XKR4: variants seen among roughly 807,000 people sequenced by gnomAD.
XKR4 encodes the protein XK-related protein 4.
XKR4 carries 12 observed loss-of-function variants against 53.9 expected under a neutral mutation model. The ratio of observed to expected loss-of-function variants is 0.22; its 90% CI spans 0.14 to 0.36. The LOEUF is 0.36. XKR4 is among the 10% of genes least tolerant of loss of function. The pLI is 1.00. For synonymous variants in XKR4, 354 were observed against 362.4 expected (o/e 0.98, Z 0.26); for missense variants, 799 against 859.5 (o/e 0.93, Z 0.88).
intron 1 of XKR4, among the ~76,000 whole-genome samples, chr8:55,192,444 AT>A (rs1047643042): frequency 6.2e-4 from 94 of 151,982 alleles, no homozygotes; most frequent in Admixed American, 3.4e-3. Context: ...TGTTTATGCA[AT>A]TTTTTTATAC....
chr8:55,162,694 A>T (rs76507488), intron 1 of XKR4, among the ~76,000 whole-genome samples: 4,618 of 152,290 alleles, frequency 0.03, 181 homozygotes, highest in East Asian at 0.12. Flanking sequence ...CACAGAAAGC[A>T]TAGTCAGTGT....
chr8:55,325,248 A>G (rs1190872769), intron 1 of XKR4, among the ~76,000 whole-genome samples: 1 of 152,192 alleles, frequency 6.6e-6, no homozygotes, highest in Non-Finnish European at 1.5e-5. Context: ...GAAAACAAAA[A>G]TGGAGAAGAA....
intron 1 of XKR4, among the ~76,000 whole-genome samples, chr8:55,226,565 A>G (rs939183696): frequency 3.9e-5 from 6 of 151,944 alleles, no homozygotes; most frequent in Non-Finnish European, 8.8e-5. Context: ...TTCCCAACCC[A>G]TTTTTTAGAA....
At chr8:55,243,679 C>T (rs1438394355) in intron 1 of XKR4, among the ~76,000 whole-genome samples, 1 of 152,178 alleles carries the variant, frequency 6.6e-6, no homozygotes, top group Non-Finnish European at 1.5e-5. Context: ...ATTTTGCATT[C>T]CCACCAGCAA....
chr8:55,337,831 A>G (rs144252973), intron 1 of XKR4, among the ~76,000 whole-genome samples: 2 of 152,228 alleles, frequency 1.3e-5, no homozygotes, highest in Non-Finnish European at 2.9e-5. Flanking sequence ...TTTTGAGAAC[A>G]GGATAAGTAG....
intron 1 of XKR4, among the ~76,000 whole-genome samples, chr8:55,187,356 C>CAAT (rs1014374781): frequency 1.4e-5 from 2 of 142,286 alleles, no homozygotes; most frequent in African/African-American, 5.3e-5. Flanking sequence ...GATAGTGACA[C>CAAT]AATTAAGGAA....
At chr8:55,452,285 GA>G in intron 2 of XKR4, 1 of 650,486 alleles carries the variant, frequency 1.5e-6, no homozygotes, top group South Asian at 1.6e-5. Flanking sequence ...TCTGGATGCT[GA>G]TGCATTTCTC....
At chr8:55,494,670 C>T (rs1420160228) in intron 2 of XKR4, among the ~76,000 whole-genome samples, 1 of 152,126 alleles carries the variant, frequency 6.6e-6, no homozygotes, top group African/African-American at 2.4e-5. Context: ...ATCCTATCAT[C>T]GTTTCAGTTC....
chr8:55,254,324 C>G lies in XKR4; in HGVS notation c.807-103354C>G, dbSNP rs1158538085. On this transcript the variant is annotated intron_variant, in intron 1 of 2. Coordinates refer to ENST00000327381, the MANE Select transcript of XKR4 (RefSeq NM_052898.2). The stretch of plus-strand genomic sequence containing the variant: ...TGAACACATTTTAAACACACTGTAA[C>G]TGTTTGTTCCAAGCAAATAATCACT... Among the ~76,000 whole-genome samples, 4 of 152,030 alleles carry G rather than the reference C, an allele frequency of 2.6e-5. No homozygotes were observed. In the East Asian group the frequency reaches 7.7e-4, roughly 29 times the overall value.
chr8:55,294,174 C>T (rs1819067412), intron 1 of XKR4, among the ~76,000 whole-genome samples: 1 of 152,136 alleles, frequency 6.6e-6, no homozygotes, highest in Admixed American at 6.6e-5. Context: ...ACGATTTGTT[C>T]ATTTCTGTTA....
intron 1 of XKR4, among the ~76,000 whole-genome samples, chr8:55,279,808 A>G (rs6988288): frequency 0.94 from 142,714 of 152,238 alleles, 66,974 homozygotes; most frequent in Non-Finnish European, 0.95. Flanking sequence ...CCAGAAAGAC[A>G]TATCTCTTAG....
At position 55,531,875 on chromosome 8, in the gene XKR4, C is replaced by T. The variant is rs943330582; in HGVS notation, c.*7648C>T. ...GAGCTGTTTCTCTAAAGCCTTTCCT[C>T]CAATGCCCAGAAGAGCAGCACTGTG... On this transcript the variant is annotated 3_prime_UTR_variant, in exon 3 of 3. Coordinates refer to ENST00000327381, the MANE Select transcript of XKR4 (RefSeq NM_052898.2). 1.3e-5 allele frequency: 2 copies of T among 152,364 alleles called. No homozygotes were observed. The highest frequency in any genetic ancestry group is 2.9e-5 in the Non-Finnish European group (2 of 68,052). The allele number at this position is 152,364 out of a possible 1,614,324, so 9.4% of individuals were successfully genotyped here.
chr8:55,281,296 G>A (rs1818841714), intron 1 of XKR4, among the ~76,000 whole-genome samples: 1 of 152,118 alleles, frequency 6.6e-6, no homozygotes, highest in African/African-American at 2.4e-5. Flanking sequence ...CAACTGAGTT[G>A]GGTTGCCACA....
intron 2 of XKR4, among the ~76,000 whole-genome samples, chr8:55,392,024 G>C (rs1291419158): frequency 6.6e-6 from 1 of 152,184 alleles, no homozygotes; most frequent in Non-Finnish European, 1.5e-5. Flanking sequence ...AAGGCTATCA[G>C]TGTAAAATGA....
chr8:55,402,191 T>C (rs1275536649), intron 2 of XKR4, among the ~76,000 whole-genome samples: 2 of 152,222 alleles, frequency 1.3e-5, no homozygotes, highest in East Asian at 3.8e-4. Flanking sequence ...GGGAAAGGTA[T>C]GAGGGACCTC....
chr8:55,396,101 T>A (rs1362206562), intron 2 of XKR4, among the ~76,000 whole-genome samples: 1 of 151,918 alleles, frequency 6.6e-6, no homozygotes, highest in Non-Finnish European at 1.5e-5. Context: ...ACCATGGGGG[T>A]ATTAGGGTTT....
At position 55,375,933 on chromosome 8, in the gene XKR4, C is replaced by T. The variant is rs571182986; in HGVS notation, c.1006+18056C>T. ...TGTGTTGTTCCCTGCCATGTGTCCA[C>T]GTGTTCTCATTGTTCAGCTCCCACT... On this transcript the variant is annotated intron_variant, in intron 2 of 2. Coordinates refer to ENST00000327381, the MANE Select transcript of XKR4 (RefSeq NM_052898.2). Among the ~76,000 whole-genome samples, 9 of 152,124 alleles carry T rather than the reference C, an allele frequency of 5.9e-5. No homozygotes were observed. In the South Asian group the frequency reaches 8.3e-4, roughly 14 times the overall value.
intron 1 of XKR4, among the ~76,000 whole-genome samples, chr8:55,274,453 G>C: frequency 6.8e-6 from 1 of 147,716 alleles, no homozygotes; most frequent in East Asian, 2.0e-4. Flanking sequence ...TTTTTTTTGA[G>C]ACTGAGTCTC....
chr8:55,473,858 C>G (rs1193498348), intron 2 of XKR4, among the ~76,000 whole-genome samples: 4 of 151,320 alleles, frequency 2.6e-5, no homozygotes, highest in African/African-American at 7.3e-5. Context: ...TCCTTCCTGT[C>G]TCTCTCCCCA....
Sources: allele counts gnomAD v4.1 joint callset (sites outside exome capture counted in the v4.1 genomes callset), GRCh38; gene constraint gnomAD v4.1.1; transcripts MANE v1.5; gene names NCBI Gene and HGNC (gene_info 2026-07-23, HGNC 2026-07-21).